Variants in EML4 observed in about 807,000 individuals in gnomAD.
EML4 encodes the protein EMAP like 4, also known as echinoderm microtubule-associated protein-like 4.
In EML4, 72 loss-of-function variants were observed where a neutral mutation model predicts 129.0. The ratio of observed to expected loss-of-function variants is 0.56; its 90% CI spans 0.46 to 0.68. The LOEUF is 0.68. EML4 is among the 30% of genes least tolerant of loss of function. EML4 has a pLI of 0.00. For synonymous variants in EML4, 532 were observed against 405.0 expected (o/e 1.31, Z -3.77); for missense variants, 1,363 against 1,190.6 (o/e 1.14, Z -2.13).
chr2:42,223,409 C>T (rs1253452623), intron 1 of EML4, among the ~76,000 whole-genome samples: 1 of 151,892 alleles, frequency 6.6e-6, no homozygotes, highest in African/African-American at 2.4e-5. Context: ...TTTGCAAGAC[C>T]CTGTCAAGTA....
intron 1 of EML4, among the ~76,000 whole-genome samples, chr2:42,203,336 C>T (rs1256433019): frequency 6.6e-6 from 1 of 152,074 alleles, no homozygotes; most frequent in Middle Eastern, 3.2e-3. Flanking sequence ...TGTGGTAGCC[C>T]TTTTTTGTTT....
intron 3 of EML4, among the ~76,000 whole-genome samples, chr2:42,257,303 G>A (rs1012663181): frequency 1.8e-4 from 27 of 152,142 alleles, no homozygotes; most frequent in Non-Finnish European, 2.4e-4. Flanking sequence ...TCGATGTAGA[G>A]TTTGGAGAGA....
intron 6 of EML4, among the ~76,000 whole-genome samples, chr2:42,279,482 C>T (rs1022262049): frequency 6.0e-5 from 9 of 150,376 alleles, no homozygotes; most frequent in Non-Finnish European, 1.0e-4. Flanking sequence ...TTTTGAGACG[C>T]AGTCTTGCTC....
chr2:42,244,413 A>G (rs929801315), intron 1 of EML4, among the ~76,000 whole-genome samples: 2 of 152,090 alleles, frequency 1.3e-5, no homozygotes, highest in East Asian at 1.9e-4. Flanking sequence ...TGATGTTTCT[A>G]TATGTTTGGA....
chr2:42,328,767 G>A (rs1047292933), intron 21 of EML4, 119 bp from the exon 22 acceptor site: 2 of 752,302 alleles, frequency 2.7e-6, no homozygotes, highest in East Asian at 5.9e-5. Flanking sequence ...AATGTTAACA[G>A]CTAAGAGTTT....
intron 6 of EML4, among the ~76,000 whole-genome samples, chr2:42,274,858 C>A (rs1666572919): frequency 6.6e-6 from 1 of 152,156 alleles, no homozygotes; most frequent in Non-Finnish European, 1.5e-5. Flanking sequence ...GTGAAGGACA[C>A]AGAAGGGAAA....
intron 21 of EML4, among the ~76,000 whole-genome samples, chr2:42,327,070 ATAGTT>A (rs1292025657): frequency 6.6e-6 from 1 of 151,974 alleles, no homozygotes; most frequent in Non-Finnish European, 1.5e-5. Context: ...CCTTTTCTGT[ATAGTT>A]TATATAAGGG....
At chr2:42,297,070 A>T (rs1456418918) in intron 13 of EML4, among the ~76,000 whole-genome samples, 1 of 152,210 alleles carries the variant, frequency 6.6e-6, no homozygotes, top group Admixed American at 6.5e-5. Flanking sequence ...CTCCTATCTC[A>T]ATCATTGGCC....
At chr2:42,210,365 A>G (rs911274548) in intron 1 of EML4, among the ~76,000 whole-genome samples, 6 of 152,204 alleles carry the variant, frequency 3.9e-5, no homozygotes, top group African/African-American at 1.4e-4. Context: ...GAGGAAGACC[A>G]CAGAGGGAAA....
chr2:42,219,660 G>A (rs1462237970), intron 1 of EML4, among the ~76,000 whole-genome samples: 1 of 152,170 alleles, frequency 6.6e-6, no homozygotes, highest in Non-Finnish European at 1.5e-5. Flanking sequence ...GCTCACGCCT[G>A]TAATCCCAGG....
rs554605954 is a variant in EML4 at position 42,206,637 on chromosome 2, A to G, written c.25+37001A>G. Among the ~76,000 whole-genome samples, 8 of 152,248 alleles carry G rather than the reference A, an allele frequency of 5.3e-5. No homozygotes were observed. In the South Asian group the frequency reaches 1.7e-3, roughly 32 times the overall value. On this transcript the variant is annotated intron_variant, in intron 1 of 22. Transcript: ENST00000318522. ...TAGACAGTTTTGAAGATTACTAGCC[A>G]TTTATTTTGTAGGCTGTCTCTCAAT... is the stretch of plus-strand genomic sequence containing the variant.
At chr2:42,281,124 T>A in intron 7 of EML4, 151 bp downstream of exon 7, 1 of 632,694 alleles carries the variant, frequency 1.6e-6, no homozygotes, top group Non-Finnish European at 2.6e-6. Context: ...CCAGGCGCGG[T>A]GGTTCACGCT....
At chr2:42,229,236 A>C (rs545880026) in intron 1 of EML4, among the ~76,000 whole-genome samples, 1 of 152,246 alleles carries the variant, frequency 6.6e-6, no homozygotes, top group South Asian at 2.1e-4. Context: ...ATGCTGTTTA[A>C]TTTATCTAAT....
intron 6 of EML4, among the ~76,000 whole-genome samples, chr2:42,273,993 T>C (rs1666517779): frequency 6.6e-6 from 1 of 152,190 alleles, no homozygotes; most frequent in Non-Finnish European, 1.5e-5. Context: ...AAGAACCTTT[T>C]TAAGAAAAGA....
chr2:42,169,457 C>G lies in EML4; in HGVS notation c.-155C>G, dbSNP rs1670116801. On this transcript the variant is annotated 5_prime_UTR_variant, in exon 1 of 23. Transcript: ENST00000318522. Reference sequence around the variant, plus strand: ...GTTCGGGCGGCCGCGGCTTACTACCCCAGGGCGAACGGACGGACGACGGAG... The same window carrying G: ...GTTCGGGCGGCCGCGGCTTACTACCGCAGGGCGAACGGACGGACGACGGAG... 1.2e-6 allele frequency: 1 copy of G among 826,848 alleles called. No individual in the cohort carries two copies. The highest frequency in any genetic ancestry group is 3.1e-5 in the East Asian group (1 of 32,226). 51.2% of individuals were successfully genotyped at this position (826,848 alleles called of 1,614,324 possible). A position where few individuals can be genotyped will look rare whatever the true frequency, so the allele number is the denominator to read the frequency against.
At chr2:42,272,770 G>A (rs893985996) in intron 6 of EML4, among the ~76,000 whole-genome samples, 2 of 152,086 alleles carry the variant, frequency 1.3e-5, no homozygotes, top group Non-Finnish European at 2.9e-5. Flanking sequence ...AGATTAGAAC[G>A]TTCTCTAATG....
At chr2:42,206,827 AAC>A (rs1050689047) in intron 1 of EML4, among the ~76,000 whole-genome samples, 4 of 152,226 alleles carry the variant, frequency 2.6e-5, no homozygotes, top group Non-Finnish European at 5.9e-5. Flanking sequence ...TGGTTTGAAT[AAC>A]ACAGTAATCA....
intron 1 of EML4, among the ~76,000 whole-genome samples, chr2:42,199,529 C>G (rs1672095046): frequency 6.6e-6 from 1 of 152,106 alleles, no homozygotes; most frequent in African/African-American, 2.4e-5. Flanking sequence ...AGAAAGAAGA[C>G]AGGACAATGC....
At position 42,331,482 on chromosome 2, in the gene EML4, T is replaced by C. The variant is rs531039903; in HGVS notation, c.*1275T>C. ...CTTTAAGAGTAATTACTGACAAATA[T>C]GTATTTCCTATATGTTTATACTTTG... On this transcript the variant is annotated 3_prime_UTR_variant, in exon 23 of 23. Transcript: ENST00000318522. The C allele has an allele frequency of 8.9e-6, 2 of 223,562 alleles. No homozygotes were observed. Among genetic ancestry groups the C allele is most frequent in the African/African-American group, 2.2e-5 (1 of 44,842 alleles). The allele number at this position is 223,562 out of a possible 1,614,324, so 13.8% of individuals were successfully genotyped here. A position where few individuals can be genotyped will look rare whatever the true frequency, so the allele number is the denominator to read the frequency against.
Sources: allele counts gnomAD v4.1 joint callset (sites outside exome capture counted in the v4.1 genomes callset), GRCh38; gene constraint gnomAD v4.1.1; transcripts MANE v1.5; gene names NCBI Gene and HGNC (gene_info 2026-07-23, HGNC 2026-07-21).